The following CNTN3 variants were observed in gnomAD, a reference collection of about 807,000 sequenced individuals.
CNTN3 encodes the protein contactin-3.
A neutral mutation model predicts 119.1 loss-of-function variants in CNTN3; 60 were observed. The ratio of observed to expected loss-of-function variants is 0.50; its 90% confidence interval spans 0.41 to 0.62. The LOEUF (loss-of-function observed/expected upper bound fraction) is 0.62. Ranked by LOEUF, CNTN3 falls within the 20% of genes least tolerant of loss-of-function variation. The pLI is 0.00. For missense variants in CNTN3, 1,101 were observed against 1,242.4 expected (o/e 0.89, Z 1.71); for synonymous variants, 450 against 438.7 (o/e 1.03, Z -0.32).
chr3:74,551,087 T>C (rs1703983430), intron 1 of CNTN3, among the ~76,000 whole-genome samples: 1 of 152,196 alleles, frequency 6.6e-6, no homozygotes, highest in African/African-American at 2.4e-5. Flanking sequence ...GGTGCAGTAA[T>C]TCATCCTGAC....
chr3:74,348,812 TGG>T (rs998344858), intron 11 of CNTN3, among the ~76,000 whole-genome samples: 4 of 152,304 alleles, frequency 2.6e-5, no homozygotes, highest in Admixed American at 2.6e-4. Context: ...GGGCACATGG[TGG>T]CTCATGCCTG....
intron 4 of CNTN3, among the ~76,000 whole-genome samples, chr3:74,458,167 A>G (rs372995577): frequency 3.9e-5 from 6 of 152,040 alleles, no homozygotes; most frequent in Admixed American, 3.9e-4. Flanking sequence ...GAGGTCTAGG[A>G]AGAGGTCTAG....
chr3:74,609,371 G>A (rs1246728804), intron 1 of CNTN3, among the ~76,000 whole-genome samples: 1 of 152,188 alleles, frequency 6.6e-6, no homozygotes, highest in East Asian at 1.9e-4. Context: ...ATTTAGGTGA[G>A]AAGTACTTAA....
intron 1 of CNTN3, among the ~76,000 whole-genome samples, chr3:74,577,025 G>A (rs1055328579): frequency 3.3e-5 from 5 of 152,066 alleles, no homozygotes; most frequent in Non-Finnish European, 7.4e-5. Context: ...GGGTGATGTA[G>A]ATAAACACTT....
At chr3:74,606,416 T>C (rs1431131099) in intron 1 of CNTN3, among the ~76,000 whole-genome samples, 3 of 151,892 alleles carry the variant, frequency 2.0e-5, no homozygotes, top group Non-Finnish European at 2.9e-5. Flanking sequence ...CTATGTCTTA[T>C]GCATTTTGTG....
At chr3:74,308,324 T>C (rs775868879) in intron 13 of CNTN3, among the ~76,000 whole-genome samples, 5 of 152,238 alleles carry the variant, frequency 3.3e-5, no homozygotes, top group Non-Finnish European at 7.3e-5. Context: ...CAGTTTCAAC[T>C]GTCACATGGT....
chr3:74,509,741 GA>G (rs1703331163), intron 2 of CNTN3, among the ~76,000 whole-genome samples: 1 of 152,118 alleles, frequency 6.6e-6, no homozygotes, highest in Non-Finnish European at 1.5e-5. Context: ...GTATGTATGA[GA>G]AGCCACCAAA....
intron 17 of CNTN3, among the ~76,000 whole-genome samples, chr3:74,299,631 T>C (rs1033412711): frequency 6.6e-6 from 1 of 152,184 alleles, no homozygotes; most frequent in Non-Finnish European, 1.5e-5. Context: ...GAATAGTGGA[T>C]GGCTCAGAGA....
At chr3:74,523,072 A>G (rs1342998736) in intron 1 of CNTN3, among the ~76,000 whole-genome samples, 1 of 151,426 alleles carries the variant, frequency 6.6e-6, no homozygotes, top group South Asian at 2.1e-4. Flanking sequence ...AAAGGGTCTC[A>G]GGTATCTTGC....
At chr3:74,274,454 C>T (rs192051534) in intron 20 of CNTN3, among the ~76,000 whole-genome samples, 3 of 152,162 alleles carry the variant, frequency 2.0e-5, no homozygotes, top group African/African-American at 7.2e-5. Flanking sequence ...GGCTGAGAAA[C>T]TCATAGATGG....
At chr3:74,499,521 G>T in intron 3 of CNTN3, 138 bp downstream of exon 3, 1 of 691,192 alleles carries the variant, frequency 1.4e-6, no homozygotes. Context: ...TAAATCTGTT[G>T]AATATATCAT....
chr3:74,388,028 G>A (rs756987319), intron 5 of CNTN3, among the ~76,000 whole-genome samples: 10 of 152,170 alleles, frequency 6.6e-5, no homozygotes, highest in African/African-American at 1.9e-4. Flanking sequence ...AAAGGTGGAT[G>A]GTGGACCCAT....
At chr3:74,393,460 G>A (rs1019609066) in intron 5 of CNTN3, among the ~76,000 whole-genome samples, 1 of 152,134 alleles carries the variant, frequency 6.6e-6, no homozygotes, top group Admixed American at 6.6e-5. Context: ...TTCCTTCCCT[G>A]GTATATTTTT....
chr3:74,462,722 T>C (rs1010346682), intron 4 of CNTN3, among the ~76,000 whole-genome samples: 6 of 152,138 alleles, frequency 3.9e-5, no homozygotes, highest in Non-Finnish European at 8.8e-5. Flanking sequence ...CATTTCCTTT[T>C]CAATGGTTAT....
intron 1 of CNTN3, among the ~76,000 whole-genome samples, chr3:74,530,683 TG>T (rs1365352179): frequency 6.6e-6 from 1 of 151,584 alleles, no homozygotes; most frequent in Non-Finnish European, 1.5e-5. Context: ...CAGGGGTGAG[TG>T]CCTGTGGAAT....
intron 1 of CNTN3, among the ~76,000 whole-genome samples, chr3:74,570,544 C>CAA (rs56396416): frequency 4.3e-5 from 6 of 138,560 alleles, no homozygotes; most frequent in African/African-American, 1.6e-4. Flanking sequence ...CTTCTAAGGA[C>CAA]AAAAAAAAAA....
At chr3:74,483,149 C>T (rs568820143) in intron 4 of CNTN3, among the ~76,000 whole-genome samples, 69 of 151,930 alleles carry the variant, frequency 4.5e-4, no homozygotes, top group African/African-American at 1.7e-3. Flanking sequence ...TGTACAGCAA[C>T]ACAGCTAAGC....
intron 2 of CNTN3, among the ~76,000 whole-genome samples, chr3:74,500,833 G>A (rs889227413): frequency 6.6e-6 from 1 of 152,008 alleles, no homozygotes; most frequent in Admixed American, 6.6e-5. Context: ...AGTAAATTCT[G>A]CATGCCCAAA....
rs138112818 is a variant in CNTN3 at position 74,579,574 on chromosome 3, T to C, written c.-81+34817A>G. ...CCAATTGAAATAATAAATAGTATGT[T>C]ATGTGACAACAAATGCATTAAATTA... is the stretch of plus-strand genomic sequence containing the variant. On this transcript the variant is annotated intron_variant, in intron 1 of 22. Coordinates refer to ENST00000263665, the MANE Select transcript of CNTN3 (RefSeq NM_020872.3). Among the ~76,000 whole-genome samples the C allele has an allele frequency of 5.9e-5, 9 of 152,228 alleles. No individual in the cohort carries two copies. The East Asian group carries it at 1.4e-3, about 23-fold the overall frequency.
Sources: gnomAD v4.1 joint callset for allele counts (sites outside exome capture counted in the v4.1 genomes callset) on GRCh38, gnomAD v4.1.1 for gene constraint, MANE v1.5 for transcripts, NCBI Gene and HGNC (gene_info 2026-07-23, HGNC 2026-07-21) for gene names.